The following CFDP1 variants were observed in gnomAD, a reference collection of about 807,000 sequenced individuals.
The protein encoded by CFDP1 is chromatin remodeling protein CFDP1, also known as heterochromatin-stabilizing protein CFDP1.
CFDP1 carries 31 observed loss-of-function variants against 40.1 expected under a neutral mutation model. The observed-to-expected ratio is 0.77, with a 90% CI of 0.58 to 1.04. CFDP1 has a LOEUF of 1.04. CFDP1 is among the 50% of genes least tolerant of loss of function. CFDP1 has a pLI of 0.00. For synonymous variants in CFDP1, 167 were observed against 120.0 expected, an observed-to-expected ratio of 1.39 and a Z score of -2.56; for missense variants, 423 against 343.4, an observed-to-expected ratio of 1.23 and a Z score of -1.83.
At chr16:75,328,371 G>A (rs1354831827) in intron 5 of CFDP1, among the ~76,000 whole-genome samples, 1 of 149,922 alleles carries the variant, frequency 6.7e-6, no homozygotes, top group Non-Finnish European at 1.5e-5. Flanking sequence ...GATCACCTGA[G>A]GTCAGGAGTT....
chr16:75,411,903 G>A lies in CFDP1; in HGVS notation c.452C>T (p.Ala151Val). The change falls in exon 4 of 7, where the codon GCA becomes GTA. Residue 151 changes from alanine (A) to valine (V), a missense_variant. By Grantham distance (64) the Ala-to-Val change is moderately conservative. Coordinates refer to ENST00000283882, the MANE Select transcript of CFDP1 (RefSeq NM_006324.3). ...TTCTTTAGGTTTCTCTAGCTCTTCTGCTTTTACCAACAATTTACTTGAACT... is the reference window on the plus strand; with the variant it reads ...TTCTTTAGGTTTCTCTAGCTCTTCTACTTTTACCAACAATTTACTTGAACT... The part of the protein sequence containing the change: ...ETSSSKLLVK[A>V]EELEKPKETE... 8 of 1,611,334 alleles carry A rather than the reference G, an allele frequency of 5.0e-6. No homozygotes were observed. The highest frequency in any genetic ancestry group is 5.9e-6 in the Non-Finnish European group (7 of 1,179,276).
chr16:75,400,660 T>C (rs8056345), intron 4 of CFDP1, among the ~76,000 whole-genome samples: 30,829 of 152,074 alleles, frequency 0.2, 3,325 homozygotes, highest in African/African-American at 0.26. Flanking sequence ...TGAAGTCCAT[T>C]CTGAGAAAAG....
intron 3 of CFDP1, 37 bp from the exon 4 acceptor site, chr16:75,411,989 A>T: frequency 6.4e-7 from 1 of 1,567,250 alleles, no homozygotes; most frequent in Non-Finnish European, 8.6e-7. Flanking sequence ...TTTCACCAAA[A>T]GATGAACCAT....
intron 3 of CFDP1, 133 bp downstream of exon 3, chr16:75,412,402 C>A (rs1293730732): frequency 5.4e-6 from 4 of 747,394 alleles, no homozygotes; most frequent in Non-Finnish European, 9.3e-6. Flanking sequence ...ATTCTCCTAC[C>A]ACAGGAAATG....
intron 5 of CFDP1, chr16:75,381,241 A>C (rs1439469546): frequency 1.3e-5 from 2 of 152,190 alleles, no homozygotes; most frequent in African/African-American, 4.8e-5. Flanking sequence ...ACATGGGAGG[A>C]ATGCCTGAAG....
In CFDP1 at chr16:75,396,972, G is replaced by A. The variant is rs144572804; in HGVS notation, c.531-1763C>T. On this transcript the variant is annotated intron_variant, in intron 4 of 6. Transcript: ENST00000283882. ...TCTGTCGCCTAGGCTGGAGTGCAGT[G>A]GCGCAATCTCGGCTCACTGCAACCT... 3.4e-3 allele frequency among the ~76,000 whole-genome samples: 516 copies of A among 152,154 alleles called. 3 individuals carry two copies. The highest frequency in any genetic ancestry group is 0.012 in the African/African-American group (502 of 41,556).
chr16:75,409,459 C>G (rs1040060342), intron 4 of CFDP1: 1 of 152,104 alleles, frequency 6.6e-6, no homozygotes, highest in South Asian at 2.1e-4. Flanking sequence ...GGGTATCTGT[C>G]GAATCTTAGT....
chr16:75,308,549 G>A (rs2151502170), intron 5 of CFDP1, among the ~76,000 whole-genome samples: 1 of 152,324 alleles, frequency 6.6e-6, no homozygotes, highest in East Asian at 1.9e-4. Flanking sequence ...TGAACAGTGA[G>A]CACTCAATTA....
intron 5 of CFDP1, among the ~76,000 whole-genome samples, chr16:75,349,491 A>T (rs1359196892): frequency 1.3e-5 from 2 of 150,014 alleles, no homozygotes; most frequent in Non-Finnish European, 3.0e-5. Flanking sequence ...CCTGGGTGAC[A>T]GAGCGAGACT....
rs538496637 is a variant in CFDP1 at position 75,388,180 on chromosome 16, G to C, written c.650+6910C>G. ...ACGCCTCTCTGAACCTCAGTGTCCT[G>C]ATCTGTGAAATGGGCACAAAGTTAG... On this transcript the variant is annotated intron_variant, in intron 5 of 6. Transcript: ENST00000283882. Among the ~76,000 whole-genome samples the C allele has an allele frequency of 3.9e-5, 6 of 152,338 alleles. No homozygotes were observed. The South Asian group carries it at 1.0e-3, about 26-fold the overall frequency.
intron 5 of CFDP1, among the ~76,000 whole-genome samples, chr16:75,332,007 C>G (rs1402350478): frequency 6.6e-6 from 1 of 152,168 alleles, no homozygotes; most frequent in East Asian, 1.9e-4. Flanking sequence ...TCATTTTAGT[C>G]TTTTCAGGAG....
At position 75,390,361 on chromosome 16, in the gene CFDP1, G is replaced by A. The variant is rs139360217; in HGVS notation, c.650+4729C>T. Among the ~76,000 whole-genome samples, 395 of 152,344 alleles carry A rather than the reference G, an allele frequency of 2.6e-3. 2 individuals carry two copies. The highest frequency in any genetic ancestry group is 9.1e-3 in the African/African-American group (378 of 41,586). ...TGCCCTTGCTGGCCTGCACAGCGCA[G>A]TTTTGGAAAGAATTCTGTGCTAAGT... On this transcript the variant is annotated intron_variant, in intron 5 of 6. Transcript: ENST00000283882.
chr16:75,410,096 A>G lies in CFDP1; in HGVS notation c.530+1729T>C, dbSNP rs1373804082. 6.1e-5 allele frequency among the ~76,000 whole-genome samples: 9 copies of G among 148,744 alleles called. No homozygotes were observed. The South Asian group carries it at 1.9e-3, about 31-fold the overall frequency. On this transcript the variant is annotated intron_variant, in intron 4 of 6. Coordinates refer to ENST00000283882, the MANE Select transcript of CFDP1 (RefSeq NM_006324.3). ...AAAAAAAAAAAAAAAACCCAAAACA[A>G]AAAAACTGATAGTGTCAATTCTTTT...
intron 5 of CFDP1, among the ~76,000 whole-genome samples, chr16:75,359,282 G>C (rs1346447663): frequency 6.6e-6 from 1 of 152,074 alleles, no homozygotes; most frequent in Non-Finnish European, 1.5e-5. Context: ...ATTTTGAAGA[G>C]CGTAAAGAGG....
intron 5 of CFDP1, among the ~76,000 whole-genome samples, chr16:75,364,354 C>T (rs34222958): frequency 0.52 from 78,749 of 151,954 alleles, 21,482 homozygotes; most frequent in Admixed American, 0.64. Flanking sequence ...TCTTAGCTGC[C>T]TGAGTATCCT....
chr16:75,300,201 T>C (rs190363703), intron 6 of CFDP1, among the ~76,000 whole-genome samples: 5 of 152,270 alleles, frequency 3.3e-5, no homozygotes, highest in Admixed American at 6.5e-5. Context: ...GCTGCGTGAA[T>C]AGAAATAAGC....
intron 1 of CFDP1, among the ~76,000 whole-genome samples, chr16:75,415,934 C>G (rs545394138): frequency 1.3e-5 from 2 of 152,166 alleles, no homozygotes; most frequent in Admixed American, 6.5e-5. Flanking sequence ...CTCACTACAA[C>G]CTCTGCCTCC....
At chr16:75,385,609 G>A (rs535196748) in intron 5 of CFDP1, among the ~76,000 whole-genome samples, 3 of 152,090 alleles carry the variant, frequency 2.0e-5, no homozygotes, top group South Asian at 2.1e-4. Context: ...ACCAAGAGAC[G>A]AATCTAATAA....
intron 5 of CFDP1, among the ~76,000 whole-genome samples, chr16:75,393,465 T>A (rs2078969110): frequency 6.6e-6 from 1 of 152,050 alleles, no homozygotes; most frequent in East Asian, 1.9e-4. Context: ...CACACTTTTT[T>A]AGGAAAATCA....
Sources: allele counts gnomAD v4.1 joint callset (sites outside exome capture counted in the v4.1 genomes callset), GRCh38; gene constraint gnomAD v4.1.1; transcripts MANE v1.5; gene names NCBI Gene and HGNC (gene_info 2026-07-23, HGNC 2026-07-21).